Variants in RAB11A observed in about 807,000 individuals in gnomAD.
The protein encoded by RAB11A is RAB11A, member RAS oncogene family, also known as ras-related protein Rab-11A.
RAB11A carries 9 observed loss-of-function variants against 28.0 expected under a neutral mutation model. That is an observed-to-expected ratio of 0.32 (90% CI 0.19 to 0.56). The LOEUF is 0.56. Among genes scored for constraint, RAB11A ranks in the 20% least tolerant of loss-of-function variants. The pLI, the probability that RAB11A is intolerant of heterozygous loss-of-function variation, is 0.91. For synonymous variants in RAB11A, 85 were observed against 88.2 expected (o/e 0.96, Z 0.20); for missense variants, 108 against 269.6 (o/e 0.40, Z 4.20).
rs2078286551 is a variant in RAB11A at position 65,890,619 on chromosome 15, A to C, written c.*2779A>C. 6.6e-6 allele frequency: 1 copy of C among 152,212 alleles called. No homozygotes were observed. Among genetic ancestry groups the C allele is most frequent in the Non-Finnish European group, 1.5e-5 (1 of 68,026 alleles). The allele number at this position is 152,212 out of a possible 1,614,324, so 9.4% of individuals were successfully genotyped here. The stretch of plus-strand genomic sequence containing the variant: ...TTTGGGTTGCCCATCAGAGCTGGTC[A>C]CATTTCTTTGATCATTGAAAAAATG... On this transcript the variant is annotated 3_prime_UTR_variant, in exon 5 of 5. Coordinates refer to ENST00000261890, the MANE Select transcript of RAB11A (RefSeq NM_004663.5).
intron 3 of RAB11A, 54 bp from the exon 4 acceptor site, chr15:65,879,617 T>C (rs1009061323): frequency 7.2e-7 from 1 of 1,388,758 alleles, no homozygotes; most frequent in Non-Finnish European, 1.0e-6. Context: ...CTTGAGTATA[T>C]CCTATTCCTT....
chr15:65,891,404 T>C lies in RAB11A; in HGVS notation c.*3564T>C, dbSNP rs2078294895. The C allele has an allele frequency of 6.6e-6, 1 of 152,240 alleles. No individual in the cohort carries two copies. The highest frequency in any genetic ancestry group is 2.4e-5 in the African/African-American group (1 of 41,476). The allele number at this position is 152,240 out of a possible 1,614,324, so 9.4% of individuals were successfully genotyped here. On this transcript the variant is annotated 3_prime_UTR_variant, in exon 5 of 5. Transcript: ENST00000261890. ...GTGTACTAGGCAATATACTAGCATG[T>C]ATTAGAAAATACGGTAAACTGTGGG...
chr15:65,888,883 G>A lies in RAB11A; in HGVS notation c.*1043G>A, dbSNP rs1178918429. ...GTATGTCTGAAGAGTACAGTGAGAG[G>A]TTAATTTCTGCTCAAGTGGTACCAC... On this transcript the variant is annotated 3_prime_UTR_variant, in exon 5 of 5. Transcript: ENST00000261890. 4 of 152,486 alleles carry A rather than the reference G, an allele frequency of 2.6e-5. No homozygotes were observed. Among genetic ancestry groups the A allele is most frequent in the Non-Finnish European group, 4.4e-5 (3 of 68,032 alleles). 9.4% of individuals were successfully genotyped at this position (152,486 alleles called of 1,614,324 possible). A position where few individuals can be genotyped will look rare whatever the true frequency, so the allele number is the denominator to read the frequency against.
Position 65,891,881 on chromosome 15 carries a change from CTG to C in RAB11A, c.*4043_*4044del, listed in dbSNP as rs1329303173. 2 of 152,096 alleles carry C rather than the reference CTG, an allele frequency of 1.3e-5. No homozygotes were observed. The highest frequency in any genetic ancestry group is 1.3e-4 in the Admixed American group (2 of 15,254). The allele number at this position is 152,096 out of a possible 1,614,324, so 9.4% of individuals were successfully genotyped here. The stretch of plus-strand genomic sequence containing the variant: ...AGCACTTGATGGGCTGCTATGTTAA[CTG>C]TAAATTGAGAACTGCTTGTTTTATG... On this transcript the variant is annotated 3_prime_UTR_variant, in exon 5 of 5. Coordinates refer to ENST00000261890, the MANE Select transcript of RAB11A (RefSeq NM_004663.5).
In RAB11A at chr15:65,876,593, G is replaced by A. The variant is rs548282840; in HGVS notation, c.41-739G>A. On this transcript the variant is annotated intron_variant, in intron 1 of 4. Coordinates refer to ENST00000261890, the MANE Select transcript of RAB11A (RefSeq NM_004663.5). ...ATTACAGGTGTGAGCCACCACACCC[G>A]GCACTTGCTTTGGTTTTGACTCACA... Among the ~76,000 whole-genome samples the A allele has an allele frequency of 3.3e-5, 5 of 152,204 alleles. No individual in the cohort carries two copies. The South Asian group carries it at 6.2e-4, about 19-fold the overall frequency.
In RAB11A at chr15:65,877,306, T is replaced by A. The variant is rs1484406932; in HGVS notation, c.41-26T>A. 6.4e-7 allele frequency: 1 copy of A among 1,571,524 alleles called. No homozygotes were observed. Among genetic ancestry groups the A allele is most frequent in the South Asian group, 1.1e-5 (1 of 87,838 alleles). On this transcript the variant is annotated intron_variant, in intron 1 of 4. Transcript: ENST00000261890. This position sits in a 1 kb window ranked among gnomAD's most constrained non-coding sequence, Gnocchi z 4.1. ...TCTGAATATGTTTGCCTCATTCATC[T>A]GACATTGAATTCTTTGTCTTTCCAG...
At chr15:65,869,795 A>C (rs780495170) in intron 1 of RAB11A, among the ~76,000 whole-genome samples, 170 bp downstream of exon 1, 11 of 152,112 alleles carry the variant, frequency 7.2e-5, no homozygotes, top group Admixed American at 1.3e-4. Flanking sequence ...CCGCTCAGAC[A>C]GGGGTCCCCA....
rs898247487 is a variant in RAB11A at position 65,877,994 on chromosome 15, G to T, written c.430+39G>T. 1.3e-6 allele frequency: 2 copies of T among 1,561,994 alleles called. No individual in the cohort carries two copies. Among genetic ancestry groups the T allele is most frequent in the African/African-American group, 2.7e-5 (2 of 73,694 alleles). On this transcript the variant is annotated intron_variant, in intron 3 of 4. Coordinates refer to ENST00000261890, the MANE Select transcript of RAB11A (RefSeq NM_004663.5). This position sits in a 1 kb window ranked among gnomAD's most constrained non-coding sequence, Gnocchi z 4.1. ...ATTCCATGATATTTCTTACCATTGT[G>T]TCTTGTGGTTTTGATACCTTCCAAT...
In RAB11A at chr15:65,887,865, G is replaced by C. The variant is rs2078264429; in HGVS notation, c.*25G>C. On this transcript the variant is annotated 3_prime_UTR_variant, in exon 5 of 5. Transcript: ENST00000261890. ...AGGCATTTCTCTTCTCCCCTAGAAG[G>C]CTGTGTATAGTCCATTTCCCAGGTC... 1.3e-6 allele frequency: 2 copies of C among 1,572,638 alleles called. No individual in the cohort carries two copies. The highest frequency in any genetic ancestry group is 1.7e-6 in the Non-Finnish European group (2 of 1,162,284).
chr15:65,878,808 T>C (rs2141104373), intron 3 of RAB11A, among the ~76,000 whole-genome samples: 1 of 152,354 alleles, frequency 6.6e-6, no homozygotes. Flanking sequence ...GTAAATAATA[T>C]GGCTACAACA....
chr15:65,880,351 T>C (rs1211865299), intron 4 of RAB11A, among the ~76,000 whole-genome samples: 4 of 152,216 alleles, frequency 2.6e-5, no homozygotes, highest in African/African-American at 9.6e-5. Context: ...AGATAAGAAG[T>C]GTTCACTCAT....
chr15:65,884,203 A>G (rs988455406), intron 4 of RAB11A, among the ~76,000 whole-genome samples: 1 of 152,176 alleles, frequency 6.6e-6, no homozygotes, highest in African/African-American at 2.4e-5. Context: ...TCAATGAAAA[A>G]GGATGGGATG....
rs2078198056 is a variant in RAB11A, at chr15:65,877,668, A to T, written c.237-94A>T. On this transcript the variant is annotated intron_variant, in intron 2 of 4. Transcript: ENST00000261890. The surrounding 1 kb of genome is among the most constrained non-coding windows in gnomAD (Gnocchi z 4.1). ...AATCCTTAGAAATTTATTTATAAGT[A>T]TGTTTTTAAAACTCATGATCCATAT... is the stretch of plus-strand genomic sequence containing the variant. 2.2e-6 allele frequency: 3 copies of T among 1,342,856 alleles called. No individual in the cohort carries two copies. The highest frequency in any genetic ancestry group is 1.0e-6 in the Non-Finnish European group (1 of 986,136). The allele number at this position is 1,342,856 out of a possible 1,614,324, so 83.2% of individuals were successfully genotyped here.
chr15:65,883,285 A>C (rs1376250187), intron 4 of RAB11A, among the ~76,000 whole-genome samples: 1 of 152,222 alleles, frequency 6.6e-6, no homozygotes, highest in Non-Finnish European at 1.5e-5. Flanking sequence ...AGTCTCCTCT[A>C]ATCTCGAACA....
chr15:65,869,494 T>A lies in RAB11A; in HGVS notation c.-92T>A. 1 of 1,533,446 alleles carries A rather than the reference T, an allele frequency of 6.5e-7. No individual in the cohort carries two copies. Among genetic ancestry groups the A allele is most frequent in the South Asian group, 1.2e-5 (1 of 83,428 alleles). 95.0% of individuals were successfully genotyped at this position (1,533,446 alleles called of 1,614,324 possible). On this transcript the variant is annotated 5_prime_UTR_variant, in exon 1 of 5. Transcript: ENST00000261890. ...GGGGCTCTTCACCCAGTCCGGCAGT[T>A]GAAGCTCGGCGCTCGGGTTACCCCT...
chr15:65,888,361 T>G lies in RAB11A; in HGVS notation c.*521T>G, dbSNP rs1161902893. 6.5e-6 allele frequency: 1 copy of G among 152,734 alleles called. No individual in the cohort carries two copies. Among genetic ancestry groups the G allele is most frequent in the East Asian group, 1.9e-4 (1 of 5,200 alleles). The allele number at this position is 152,734 out of a possible 1,614,324, so 9.5% of individuals were successfully genotyped here. ...TCTGGACATGAATTTCTAAAATGCC[T>G]TAATAGGTTTATGTAGTTGAGTAAA... is the stretch of plus-strand genomic sequence containing the variant. On this transcript the variant is annotated 3_prime_UTR_variant, in exon 5 of 5. Coordinates refer to ENST00000261890, the MANE Select transcript of RAB11A (RefSeq NM_004663.5).
chr15:65,884,678 A>G (rs918164737), intron 4 of RAB11A, among the ~76,000 whole-genome samples: 11 of 151,890 alleles, frequency 7.2e-5, no homozygotes, highest in African/African-American at 2.7e-4. Context: ...AAATGCCACC[A>G]AAGCAATAAA....
At chr15:65,870,025 C>T (rs747560810) in intron 1 of RAB11A, 6 of 173,826 alleles carry the variant, frequency 3.5e-5, no homozygotes, top group Non-Finnish European at 7.3e-5. Context: ...CTCCCGAAGC[C>T]CCTCTGACGG....
At chr15:65,875,775 T>C (rs1036896003) in intron 1 of RAB11A, among the ~76,000 whole-genome samples, 2 of 152,244 alleles carry the variant, frequency 1.3e-5, no homozygotes, top group Admixed American at 6.5e-5. Flanking sequence ...TGGACTCTCT[T>C]TGCCCTCTGA....
Sources: allele counts gnomAD v4.1 joint callset (sites outside exome capture counted in the v4.1 genomes callset), GRCh38; gene constraint gnomAD v4.1.1; non-coding constraint Gnocchi (gnomAD v3.1); transcripts MANE v1.5; gene names NCBI Gene and HGNC (gene_info 2026-07-23, HGNC 2026-07-21).